The following NAALADL2 variants were observed in gnomAD, a reference collection of about 807,000 sequenced individuals.
NAALADL2 encodes N-acetylated alpha-linked acidic dipeptidase like 2.
NAALADL2 carries 76 observed loss-of-function variants against 87.2 expected under a neutral mutation model. The ratio of observed to expected loss-of-function variants is 0.87; its 90% CI spans 0.72 to 1.05. The LOEUF is 1.05. Ranked by LOEUF, NAALADL2 falls within the 50% of genes least tolerant of loss-of-function variation. NAALADL2 has a pLI of 0.00. For missense variants in NAALADL2, 1,089 were observed against 945.8 expected (o/e 1.15, Z -1.99); for synonymous variants, 354 against 331.0 (o/e 1.07, Z -0.75).
chr3:175,775,083 T>C (rs1246789133), intron 13 of NAALADL2: 1 of 148,868 alleles, frequency 6.7e-6, no homozygotes, highest in Non-Finnish European at 1.5e-5. Context: ...GATCAGAAAG[T>C]AGTAAGGCCT....
intron 2 of NAALADL2, among the ~76,000 whole-genome samples, chr3:174,719,087 G>A (rs1055396861): frequency 3.3e-5 from 5 of 151,914 alleles, no homozygotes; most frequent in Admixed American, 6.6e-5. Context: ...CATTAAGAAA[G>A]GTGGTTTATA....
chr3:175,059,002 G>C (rs1307310981), intron 1 of NAALADL2, among the ~76,000 whole-genome samples: 1 of 152,162 alleles, frequency 6.6e-6, no homozygotes, highest in East Asian at 1.9e-4. Context: ...AGAAGGAGTT[G>C]TCAGGGACAT....
intron 11 of NAALADL2, among the ~76,000 whole-genome samples, chr3:175,660,306 A>G (rs1269760686): frequency 6.6e-6 from 1 of 152,138 alleles, no homozygotes; most frequent in Non-Finnish European, 1.5e-5. Context: ...TTCCTGCATC[A>G]AGACAATGCA....
chr3:175,177,703 A>G (rs1043321163), intron 2 of NAALADL2, among the ~76,000 whole-genome samples: 17 of 152,114 alleles, frequency 1.1e-4, no homozygotes, highest in African/African-American at 4.1e-4. Context: ...AGGTCCTAGT[A>G]TATCCCAACC....
At position 174,785,336 on chromosome 3, in the gene NAALADL2, G is replaced by T. The variant is rs186411326; in HGVS notation, c.-9+47590G>T. Among the ~76,000 whole-genome samples, 27 of 152,252 alleles carry T rather than the reference G, an allele frequency of 1.8e-4. No individual in the cohort carries two copies. In the East Asian group the frequency reaches 4.5e-3, roughly 25 times the overall value. On this transcript the variant is annotated intron_variant, in intron 3 of 3. Transcript: ENST00000434257. ...GCTCCCACTTATAAATGAGAGCATG[G>T]TATTTTATTTTCATTCTGCGTATAC...
chr3:175,771,017 A>C (rs914490872), intron 13 of NAALADL2, among the ~76,000 whole-genome samples: 1 of 152,244 alleles, frequency 6.6e-6, no homozygotes, highest in Non-Finnish European at 1.5e-5. Context: ...CACATGGGTG[A>C]ATAGAAAGTC....
intron 3 of NAALADL2, among the ~76,000 whole-genome samples, chr3:174,781,397 C>A (rs1715968356): frequency 6.6e-6 from 1 of 151,416 alleles, no homozygotes; most frequent in Non-Finnish European, 1.5e-5. Flanking sequence ...TCCATTCTCC[C>A]CATCACTTTC....
intron 1 of NAALADL2, among the ~76,000 whole-genome samples, chr3:174,909,171 C>G (rs1447590629): frequency 2.4e-4 from 37 of 151,984 alleles, no homozygotes; most frequent in Admixed American, 2.4e-3. Flanking sequence ...GGCGGATCAC[C>G]TCACCTGAGG....
chr3:174,979,472 AT>A, intron 1 of NAALADL2, among the ~76,000 whole-genome samples: 1 of 151,204 alleles, frequency 6.6e-6, no homozygotes. Flanking sequence ...CGCCCGGCTA[AT>A]TTTTTGTATT....
intron 9 of NAALADL2, among the ~76,000 whole-genome samples, chr3:175,514,903 A>G (rs762760400): frequency 6.6e-6 from 1 of 152,220 alleles, no homozygotes; most frequent in East Asian, 1.9e-4. Flanking sequence ...CTGAGTGTCT[A>G]GTCTCTATAG....
intron 6 of NAALADL2, among the ~76,000 whole-genome samples, chr3:175,459,823 C>T (rs944417166): frequency 6.6e-6 from 1 of 152,116 alleles, no homozygotes; most frequent in Non-Finnish European, 1.5e-5. Flanking sequence ...AATTTCTGTT[C>T]CACTATTTAA....
chr3:175,577,596 CT>C (rs2149561985), intron 10 of NAALADL2, among the ~76,000 whole-genome samples: 2 of 152,222 alleles, frequency 1.3e-5, no homozygotes, highest in East Asian at 3.9e-4. Flanking sequence ...ACAGAACTGG[CT>C]TAGTCTGAAG....
chr3:175,269,410 A>G (rs1019785782), intron 4 of NAALADL2, among the ~76,000 whole-genome samples: 1 of 152,226 alleles, frequency 6.6e-6, no homozygotes, highest in Non-Finnish European at 1.5e-5. Context: ...TGACAGCAGC[A>G]TCACCACAAA....
chr3:174,943,991 G>A (rs907106096), intron 1 of NAALADL2, among the ~76,000 whole-genome samples: 2 of 152,128 alleles, frequency 1.3e-5, no homozygotes, highest in East Asian at 3.9e-4. Flanking sequence ...TGGGGGATCT[G>A]TCCAGTGAGG....
At chr3:174,835,044 A>G (rs1043461344) in intron 3 of NAALADL2, among the ~76,000 whole-genome samples, 1 of 140,810 alleles carries the variant, frequency 7.1e-6, no homozygotes, top group African/African-American at 2.6e-5. Context: ...TCTAATTTTA[A>G]TACATACTAT....
rs566426322 is a variant in NAALADL2, at chr3:175,551,909, C to T, written c.1654-24132C>T. 1.2e-4 allele frequency among the ~76,000 whole-genome samples: 15 copies of T among 123,504 alleles called. No homozygotes were observed. In the East Asian group the frequency reaches 1.4e-3, roughly 12 times the overall value. The allele number at this position is 123,504 out of a possible 152,430, so 81.0% of individuals were successfully genotyped here. ...CTGCACTCCAGACTGGGCAGCAGAG[C>T]GAGACTCTGTCTCAAAAAAAAAAAA... On this transcript the variant is annotated intron_variant, in intron 9 of 13. Coordinates refer to ENST00000454872, the MANE Select transcript of NAALADL2 (RefSeq NM_207015.3).
chr3:175,362,316 G>A lies in NAALADL2; in HGVS notation c.1090+37991G>A, dbSNP rs893292132. On this transcript the variant is annotated intron_variant, in intron 5 of 13. Coordinates refer to ENST00000454872, the MANE Select transcript of NAALADL2 (RefSeq NM_207015.3). ...CAGGTAGCGTGATGCCTCCAGCTTT[G>A]TTCTTTTGGCTTAGGATTGTCTTGG... is the stretch of plus-strand genomic sequence containing the variant. Among the ~76,000 whole-genome samples, 12 of 147,958 alleles carry A rather than the reference G, an allele frequency of 8.1e-5. 1 individual carries two copies. The highest frequency in any genetic ancestry group is 3.0e-4 in the African/African-American group (12 of 40,590).
chr3:175,023,756 A>G (rs1050784452), intron 1 of NAALADL2, among the ~76,000 whole-genome samples: 10 of 152,150 alleles, frequency 6.6e-5, no homozygotes, highest in African/African-American at 2.4e-4. Flanking sequence ...AATCTCCTAT[A>G]GACAGAGTAC....
At chr3:174,876,320 T>G (rs930178206) in intron 1 of NAALADL2, among the ~76,000 whole-genome samples, 3 of 152,170 alleles carry the variant, frequency 2.0e-5, no homozygotes, top group African/African-American at 4.8e-5. Context: ...TTTCTTTGTT[T>G]GTTTTTTACT....
Sources: allele counts gnomAD v4.1 joint callset (sites outside exome capture counted in the v4.1 genomes callset), GRCh38; gene constraint gnomAD v4.1.1; transcripts MANE v1.5; gene names NCBI Gene and HGNC (gene_info 2026-07-23, HGNC 2026-07-21).